ESPL1: variants seen among roughly 807,000 people sequenced by gnomAD.
ESPL1 encodes the protein extra spindle pole bodies like 1, separase.
Under a neutral mutation model 217.2 loss-of-function variants are expected in ESPL1, and 50 were observed. The observed-to-expected ratio is 0.23, with a 90% confidence interval of 0.18 to 0.29. The LOEUF (loss-of-function observed/expected upper bound fraction) is 0.29, where lower values mean the gene tolerates loss of function less well. ESPL1 is among the 10% of genes least tolerant of loss of function. The probability of loss-of-function intolerance (pLI) is 1.00; values close to 1 mark genes in which losing one functional copy is unlikely to be tolerated. For synonymous variants in ESPL1, 994 were observed against 1,081.3 expected, an observed-to-expected ratio of 0.92 and a Z score of 1.58; for missense variants, 1,834 against 2,603.0, an observed-to-expected ratio of 0.70 and a Z score of 6.43.
Position 53,268,855 on chromosome 12 carries a change from T to A in ESPL1, c.81+8T>A. The A allele has an allele frequency of 1.2e-6, 2 of 1,607,520 alleles. No homozygotes were observed. Among genetic ancestry groups the A allele is most frequent in the Non-Finnish European group, 1.7e-6 (2 of 1,176,108 alleles). ...TTGCTGCCCGCCTTGAAGGTGGGGG[T>A]GCTGCCTGGCTCGGGATACACCTGG... is the stretch of plus-strand genomic sequence containing the variant. On this transcript the variant is annotated splice_region_variant and intron_variant, in intron 2 of 30. Coordinates refer to ENST00000257934, the MANE Select transcript of ESPL1 (RefSeq NM_012291.5).
chr12:53,270,843 C>T (rs373041828), intron 5 of ESPL1, 45 bp downstream of exon 5: 85 of 1,609,630 alleles, frequency 5.3e-5, no homozygotes, highest in Non-Finnish European at 7.0e-5. Flanking sequence ...GGAGGGTCAT[C>T]ACCCATTAGG....
At position 53,276,834 on chromosome 12, in the gene ESPL1, C is replaced by A; in HGVS notation, c.1915C>A (p.His639Asn). The change falls in exon 8 of 31, where the codon CAC (histidine) becomes AAC (asparagine). Residue 639 changes from histidine to asparagine, a missense_variant. His to Asn is a moderately conservative substitution (Grantham distance 68). Coordinates refer to ENST00000257934, the MANE Select transcript of ESPL1 (RefSeq NM_012291.5). ...LVELAQVLCY[H>N]DFTQQTNCSA... ...AGAACTGGCTCAGGTGCTCTGCTAC[C>A]ACGACTTTACGCAGCAGACCAACTG... The A allele has an allele frequency of 6.2e-7, 1 of 1,613,846 alleles. No homozygotes were observed. Among genetic ancestry groups the A allele is most frequent in the Non-Finnish European group, 8.5e-7 (1 of 1,180,016 alleles).
chr12:53,278,137 G>T (rs1453243470), intron 11 of ESPL1, among the ~76,000 whole-genome samples, 177 bp downstream of exon 11: 1 of 152,144 alleles, frequency 6.6e-6, no homozygotes, highest in East Asian at 1.9e-4. Flanking sequence ...TTAGTGTATG[G>T]CCTTGGGCAA....
intron 17 of ESPL1, among the ~76,000 whole-genome samples, chr12:53,284,452 C>T (rs1943912743): frequency 6.6e-6 from 1 of 151,950 alleles, no homozygotes; most frequent in East Asian, 2.0e-4. Context: ...GATGAGGTTT[C>T]ACTATGTTGG....
Position 53,269,363 on chromosome 12 carries a change from G to A in ESPL1, c.421G>A (p.Glu141Lys), listed in dbSNP as rs1943624958. 3 of 1,614,100 alleles carry A rather than the reference G, an allele frequency of 1.9e-6. No individual in the cohort carries two copies. Among genetic ancestry groups the A allele is most frequent in the Non-Finnish European group, 2.5e-6 (3 of 1,180,042 alleles). The part of the protein sequence containing the change: ...CSREAAPQDY[E>K]AVARGSFSLL... ...TCGCGAGGCTGCTCCCCAGGACTATGAGGCCGTGGCTCGGGGCAGCTTTTC... is the reference window on the plus strand; with the variant it reads ...TCGCGAGGCTGCTCCCCAGGACTATAAGGCCGTGGCTCGGGGCAGCTTTTC... The change falls in exon 3 of 31, where the codon GAG becomes AAG. Residue 141 changes from glutamate to lysine, a missense_variant. By Grantham distance (56) the Glu-to-Lys change is moderately conservative. This residue lies in a region of ESPL1 where 746 missense variants were observed against 1,077.0 expected (regional missense o/e 0.69). Coordinates refer to ENST00000257934, the MANE Select transcript of ESPL1 (RefSeq NM_012291.5). The surrounding 1 kb of genome is among the most constrained non-coding windows in gnomAD (Gnocchi z 6.7).
At chr12:53,273,448 G>A (rs1039198373) in intron 6 of ESPL1, among the ~76,000 whole-genome samples, 4 of 151,812 alleles carry the variant, frequency 2.6e-5, no homozygotes, top group African/African-American at 9.7e-5. Context: ...TGTCTGCCCC[G>A]AGTTAATTGC....
intron 1 of ESPL1, 123 bp from the exon 2 acceptor site, chr12:53,268,631 TG>T (rs1943610149): frequency 1.6e-6 from 1 of 621,398 alleles, no homozygotes; most frequent in African/African-American, 1.8e-5. Context: ...CGTCCTGGCG[TG>T]GGTTTTCTCC....
rs1214642441 is a variant in ESPL1 at position 53,292,794 on chromosome 12, C to A, written c.5997-12C>A. On this transcript the variant is annotated splice_polypyrimidine_tract_variant and intron_variant, in intron 29 of 30. Transcript: ENST00000257934. The surrounding 1 kb of genome is among the most constrained non-coding windows in gnomAD (Gnocchi z 4.5). ...ACTAGCTCAAGACTCATCTCACCTC[C>A]TTCTGCCTTAGCTATGCAGGGCATG... 3 of 1,607,698 alleles carry A rather than the reference C, an allele frequency of 1.9e-6. No homozygotes were observed. The highest frequency in any genetic ancestry group is 1.3e-5 in the African/African-American group (1 of 75,070).
In ESPL1 at chr12:53,289,506, C is replaced by T. The variant is rs764626445; in HGVS notation, c.5025C>T (p.Arg1675=). ...ATGTCCCCCTGGCCCGCATCCAGCG[C>T]CTCTTTTCCTTCAGGGCTTTGGAAT... ...PGDVPLARIQ[R]LFSFRALESG... Residue 1675 remains arginine (R), a synonymous_variant, in exon 22 of 31, where the codon CGC becomes CGT. Coordinates refer to ENST00000257934, the MANE Select transcript of ESPL1 (RefSeq NM_012291.5). The T allele has an allele frequency of 2.5e-6, 4 of 1,614,210 alleles. No homozygotes were observed. Among genetic ancestry groups the T allele is most frequent in the Middle Eastern group, 1.6e-4 (1 of 6,062 alleles).
intron 5 of ESPL1, among the ~76,000 whole-genome samples, chr12:53,271,856 G>A (rs1226530010): frequency 6.6e-6 from 1 of 152,174 alleles, no homozygotes; most frequent in Non-Finnish European, 1.5e-5. Flanking sequence ...TTGGGAGGCC[G>A]AGGCGGGCGG....
rs763316656 is a variant in ESPL1 at position 53,288,041 on chromosome 12, A to G, written c.4246A>G (p.Lys1416Glu). Residue 1416 changes from lysine to glutamate, a missense_variant, in exon 19 of 31, where the codon AAG (lysine) becomes GAG (glutamate). Around this residue, in one of 5 missense-constraint regions of ESPL1, gnomAD observed 681 missense variants for 808.0 expected, o/e 0.84. Coordinates refer to ENST00000257934, the MANE Select transcript of ESPL1 (RefSeq NM_012291.5). ...TGAGGCCTGGCTGGCAGAGGAGCCT[A>G]AGAGACGGGGCACTGCTTCCCGGGG... is the stretch of plus-strand genomic sequence containing the variant. Reference protein sequence around the residue: ...SAEAWLAEEPKRRGTASRGRG... With the variant: ...SAEAWLAEEPERRGTASRGRG... The G allele has an allele frequency of 3.1e-6, 5 of 1,613,542 alleles. No individual in the cohort carries two copies. The highest frequency in any genetic ancestry group is 4.2e-6 in the Non-Finnish European group (5 of 1,179,988).
chr12:53,271,782 T>C (rs1412114287), intron 5 of ESPL1, among the ~76,000 whole-genome samples: 4 of 152,060 alleles, frequency 2.6e-5, no homozygotes, highest in Non-Finnish European at 5.9e-5. Flanking sequence ...AAATAAGTTA[T>C]TATCATTTAT....
At position 53,269,941 on chromosome 12, in the gene ESPL1, T is replaced by C. The variant is rs1943639317; in HGVS notation, c.999T>C (p.Leu333=). 1.2e-6 allele frequency: 2 copies of C among 1,614,110 alleles called. No homozygotes were observed. The change falls in exon 3 of 31, where the codon CTT becomes CTC. Residue 333 remains leucine, a synonymous_variant. Transcript: ENST00000257934. The surrounding 1 kb of genome is among the most constrained non-coding windows in gnomAD (Gnocchi z 6.7). ...GTATGGAGGCACCATCACCCCCACTTCGGGCATTGTATGAGAGCTGCCAGT... is the reference window on the plus strand; with the variant it reads ...GTATGGAGGCACCATCACCCCCACTCCGGGCATTGTATGAGAGCTGCCAGT... ...SKSMEAPSPP[L]RALYESCQFF...
At chr12:53,281,296 C>T (rs1943857767) in intron 12 of ESPL1, among the ~76,000 whole-genome samples, 1 of 151,946 alleles carries the variant, frequency 6.6e-6, no homozygotes, top group South Asian at 2.1e-4. Context: ...TGCCACCACA[C>T]CTGGCTAATT....
At position 53,289,301 on chromosome 12, in the gene ESPL1, C is replaced by G; in HGVS notation, c.4920C>G (p.Leu1640=). Residue 1640 remains leucine (L), a splice_region_variant and synonymous_variant, in exon 21 of 31, where the codon CTC becomes CTG. Coordinates refer to ENST00000257934, the MANE Select transcript of ESPL1 (RefSeq NM_012291.5). The part of the protein sequence containing the change: ...HQLLTHLHRQ[L]SKAQKHRGSL... ...TGCTCACCCACCTCCACAGACAGCT[C>G]AGGTGGGTGCTGACCATCCCCAAGA... 1 of 1,611,188 alleles carries G rather than the reference C, an allele frequency of 6.2e-7. No homozygotes were observed. Among genetic ancestry groups the G allele is most frequent in the Non-Finnish European group, 8.5e-7 (1 of 1,179,876 alleles).
intron 17 of ESPL1, among the ~76,000 whole-genome samples, chr12:53,285,441 T>A (rs1219237262): frequency 6.6e-6 from 1 of 152,114 alleles, no homozygotes; most frequent in Non-Finnish European, 1.5e-5. Context: ...TTTGATCCAT[T>A]GTTGGTTGGA....
At position 53,283,267 on chromosome 12, in the gene ESPL1, G is replaced by A. The variant is rs371910828; in HGVS notation, c.2920+10G>A. ...TCGTTTTTGGACTATGGTGAGTCTGGGGAGGACAGCAGGGCCCTCTTGGAA... is the reference window on the plus strand; with the variant it reads ...TCGTTTTTGGACTATGGTGAGTCTGAGGAGGACAGCAGGGCCCTCTTGGAA... On this transcript the variant is annotated intron_variant, in intron 15 of 30. Coordinates refer to ENST00000257934, the MANE Select transcript of ESPL1 (RefSeq NM_012291.5). 8.1e-6 allele frequency: 13 copies of A among 1,614,190 alleles called. No individual in the cohort carries two copies. The highest frequency in any genetic ancestry group is 1.6e-4 in the Middle Eastern group (1 of 6,062).
chr12:53,268,533 G>T (rs1046815314), intron 1 of ESPL1, 156 bp downstream of exon 1: 25 of 533,970 alleles, frequency 4.7e-5, no homozygotes, highest in Non-Finnish European at 8.4e-5. Flanking sequence ...AGGCCTCTGG[G>T]GTAGCGCGGC....
At chr12:53,278,052 G>A in intron 11 of ESPL1, 92 bp downstream of exon 11, 1 of 1,350,264 alleles carries the variant, frequency 7.4e-7, no homozygotes. Flanking sequence ...ATCCTCCTGA[G>A]AAGCCATGAA....
Sources: allele counts gnomAD v4.1 joint callset (sites outside exome capture counted in the v4.1 genomes callset), GRCh38; gene constraint gnomAD v4.1.1; regional missense constraint gnomAD v4.1.1; non-coding constraint Gnocchi (gnomAD v3.1); transcripts MANE v1.5; gene names NCBI Gene and HGNC (gene_info 2026-07-23, HGNC 2026-07-21).